PARD6G: variants seen among roughly 807,000 people sequenced by gnomAD.
PARD6G encodes the protein par-6 family cell polarity regulator gamma, also known as partitioning defective 6 homolog gamma.
Under a neutral mutation model 10.7 loss-of-function variants are expected in PARD6G, and 7 were observed. That is an observed-to-expected ratio of 0.66 (90% CI 0.37 to 1.23). PARD6G has a LOEUF of 1.23. Among genes scored for constraint, PARD6G ranks in the 50% most tolerant of loss-of-function variants. PARD6G has a pLI of 0.02. For missense variants in PARD6G, 548 were observed against 571.8 expected (o/e 0.96, Z 0.42); for synonymous variants, 287 against 269.4 (o/e 1.07, Z -0.64).
chr18:80,166,909 G>C (rs560980304), intron 2 of PARD6G, among the ~76,000 whole-genome samples: 1 of 151,992 alleles, frequency 6.6e-6, no homozygotes, highest in Non-Finnish European at 1.5e-5. Flanking sequence ...ACAAACCAGA[G>C]CCCCCTTTGA....
In PARD6G at chr18:80,175,680, C is replaced by G. The variant is rs998934409; in HGVS notation, c.296-15074G>C. 6.6e-6 allele frequency among the ~76,000 whole-genome samples: 1 copy of G among 152,138 alleles called. No individual in the cohort carries two copies. The highest frequency in any genetic ancestry group is 1.5e-5 in the Non-Finnish European group (1 of 68,030). ...GTCACGTTCTCTGTCAGGGCACAACCCTCGTTCCACCACCGCAGGGACATT... is the reference window on the plus strand; with the variant it reads ...GTCACGTTCTCTGTCAGGGCACAACGCTCGTTCCACCACCGCAGGGACATT... On this transcript the variant is annotated intron_variant, in intron 2 of 2. Coordinates refer to ENST00000353265, the MANE Select transcript of PARD6G (RefSeq NM_032510.4). The surrounding 1 kb of genome is among the most constrained non-coding windows in gnomAD (Gnocchi z 6.7).
intron 1 of PARD6G, among the ~76,000 whole-genome samples, chr18:80,241,341 TCGG>T (rs912446637): frequency 3.9e-5 from 6 of 152,174 alleles, no homozygotes; most frequent in African/African-American, 1.4e-4. Context: ...TTTATGACCT[TCGG>T]CAGGTCAGTG....
chr18:80,211,533 C>A (rs939126993), intron 1 of PARD6G, among the ~76,000 whole-genome samples: 3 of 152,168 alleles, frequency 2.0e-5, no homozygotes, highest in African/African-American at 7.2e-5. Flanking sequence ...AATAGAATTA[C>A]CATATGATCC....
rs1247863904 is a variant in PARD6G, at chr18:80,189,756, C to T, written c.295+12954G>A. Among the ~76,000 whole-genome samples, 1 of 152,152 alleles carries T rather than the reference C, an allele frequency of 6.6e-6. No individual in the cohort carries two copies. The highest frequency in any genetic ancestry group is 1.5e-5 in the Non-Finnish European group (1 of 68,036). Reference sequence around the variant, plus strand: ...TCTCCCAGATGAGACCCGACCTCTCCTTCCAGAGAGAAGGTCAAGCACCAA... The same window carrying T: ...TCTCCCAGATGAGACCCGACCTCTCTTTCCAGAGAGAAGGTCAAGCACCAA... On this transcript the variant is annotated intron_variant, in intron 2 of 2. Coordinates refer to ENST00000353265, the MANE Select transcript of PARD6G (RefSeq NM_032510.4). The surrounding 1 kb of genome is among the most constrained non-coding windows in gnomAD (Gnocchi z 5.5).
chr18:80,213,734 G>A (rs909135468), intron 1 of PARD6G, among the ~76,000 whole-genome samples: 3 of 152,012 alleles, frequency 2.0e-5, no homozygotes, highest in South Asian at 2.1e-4. Flanking sequence ...CGAGGAGGGC[G>A]GATCATGAGG....
intron 2 of PARD6G, chr18:80,197,342 C>T (rs1263636647): frequency 6.6e-6 from 1 of 152,174 alleles, no homozygotes; most frequent in Non-Finnish European, 1.5e-5. Flanking sequence ...ATTCCATACC[C>T]CTTCCTTTTT....
chr18:80,212,884 CAA>C (rs529081644), intron 1 of PARD6G, among the ~76,000 whole-genome samples: 3 of 147,030 alleles, frequency 2.0e-5, no homozygotes, highest in Admixed American at 6.8e-5. Flanking sequence ...GACCCCATCT[CAA>C]AAAAAAAAAA....
chr18:80,211,991 A>G (rs1967113697), intron 1 of PARD6G, among the ~76,000 whole-genome samples: 1 of 152,192 alleles, frequency 6.6e-6, no homozygotes, highest in South Asian at 2.1e-4. Context: ...GCGTAACAAT[A>G]TGAATATACA....
intron 1 of PARD6G, among the ~76,000 whole-genome samples, chr18:80,226,180 T>G (rs1326687588): frequency 1.6e-4 from 23 of 143,934 alleles, no homozygotes; most frequent in Non-Finnish European, 2.6e-4. Flanking sequence ...TTTTTTTTTT[T>G]TTTTTTTAGA....
In PARD6G at chr18:80,231,047, G is replaced by T. The variant is rs1435882400; in HGVS notation, c.72+16230C>A. Reference sequence around the variant, plus strand: ...GTGATGGGAGAGAGAATTCCAAATGGAAGGTCAGGGACAAGGGGTGCCCTT... The same window carrying T: ...GTGATGGGAGAGAGAATTCCAAATGTAAGGTCAGGGACAAGGGGTGCCCTT... On this transcript the variant is annotated intron_variant, in intron 1 of 2. Transcript: ENST00000353265. This position sits in a 1 kb window ranked among gnomAD's most constrained non-coding sequence, Gnocchi z 4.2. Among the ~76,000 whole-genome samples the T allele has an allele frequency of 1.3e-5, 2 of 152,160 alleles. No homozygotes were observed. Among genetic ancestry groups the T allele is most frequent in the Non-Finnish European group, 2.9e-5 (2 of 68,008 alleles).
chr18:80,231,813 C>A lies in PARD6G; in HGVS notation c.72+15464G>T, dbSNP rs1967361090. Among the ~76,000 whole-genome samples the A allele has an allele frequency of 6.6e-6, 1 of 152,136 alleles. No homozygotes were observed. Among genetic ancestry groups the A allele is most frequent in the Admixed American group, 6.6e-5 (1 of 15,264 alleles). ...GACGGGTTCGGCATCTCACAGGCAT[C>A]CACAGGGATGGCTGCCGAGCCCTTC... On this transcript the variant is annotated intron_variant, in intron 1 of 2. Transcript: ENST00000353265. The surrounding 1 kb of genome is among the most constrained non-coding windows in gnomAD (Gnocchi z 4.2).
Position 80,202,850 on chromosome 18 carries a change from G to A in PARD6G, c.155C>T (p.Thr52Ile), listed in dbSNP as rs1024192888. The change falls in exon 2 of 3, where the codon ACC becomes ATC. Residue 52 changes from threonine (T) to isoleucine (I), a missense_variant. Thr to Ile is a moderately conservative substitution (Grantham distance 89). This residue lies in a region of PARD6G where 235 missense variants were observed against 291.9 expected (regional missense o/e 0.81). Coordinates refer to ENST00000353265, the MANE Select transcript of PARD6G (RefSeq NM_032510.4). ...FEDFYKLVVH[T>I]HHISNSDVTI... is the part of the protein sequence containing the mutation. ...TACATCACTGTTGGAGATATGGTGG[G>A]TGTGCACAACCAGCTTGTAGAAATC... 2.5e-6 allele frequency: 4 copies of A among 1,610,410 alleles called. No homozygotes were observed. Among genetic ancestry groups the A allele is most frequent in the Admixed American group, 1.7e-5 (1 of 59,562 alleles).
chr18:80,171,468 C>T (rs960490323), intron 2 of PARD6G: 4 of 152,284 alleles, frequency 2.6e-5, no homozygotes, highest in African/African-American at 9.6e-5. Context: ...CGCTCGTTCC[C>T]TGTGCATTTT....
At chr18:80,233,061 G>A (rs931773240) in intron 1 of PARD6G, among the ~76,000 whole-genome samples, 5 of 151,258 alleles carry the variant, frequency 3.3e-5, no homozygotes, top group African/African-American at 9.7e-5. Context: ...CTCCACACAC[G>A]CAGGGACCCC....
intron 2 of PARD6G, among the ~76,000 whole-genome samples, chr18:80,193,038 T>C (rs769224257): frequency 2.0e-5 from 3 of 152,232 alleles, no homozygotes; most frequent in Middle Eastern, 3.4e-3. Flanking sequence ...CCCAAGCAGA[T>C]GGTGGCTTAG....
At chr18:80,240,862 C>T (rs531212792) in intron 1 of PARD6G, among the ~76,000 whole-genome samples, 16 of 152,230 alleles carry the variant, frequency 1.1e-4, no homozygotes, top group African/African-American at 3.9e-4. Flanking sequence ...CCAAATCTGC[C>T]CACTTACCTG....
intron 1 of PARD6G, among the ~76,000 whole-genome samples, chr18:80,211,370 G>A (rs1278249598): frequency 1.3e-5 from 2 of 152,256 alleles, no homozygotes; most frequent in Admixed American, 6.5e-5. Flanking sequence ...ATGCTGGGAC[G>A]CATACCCATT....
intron 1 of PARD6G, among the ~76,000 whole-genome samples, chr18:80,235,905 C>T: frequency 6.6e-6 from 1 of 152,106 alleles, no homozygotes; most frequent in Non-Finnish European, 1.5e-5. Context: ...GATTCACAGC[C>T]GAATTCTACC....
intron 2 of PARD6G, among the ~76,000 whole-genome samples, chr18:80,191,305 A>T (rs1966894315): frequency 6.6e-6 from 1 of 152,212 alleles, no homozygotes; most frequent in African/African-American, 2.4e-5. Flanking sequence ...ATGCGTGGCC[A>T]CAGCCCAGGC....
Sources: gnomAD v4.1 joint callset for allele counts (sites outside exome capture counted in the v4.1 genomes callset) on GRCh38, gnomAD v4.1.1 for gene constraint, gnomAD v4.1.1 regional missense constraint, Gnocchi (gnomAD v3.1) non-coding constraint, MANE v1.5 for transcripts, NCBI Gene and HGNC (gene_info 2026-07-23, HGNC 2026-07-21) for gene names.